The following DOCK7 variants were observed in gnomAD, a reference collection of about 807,000 sequenced individuals.
DOCK7 encodes the protein dedicator of cytokinesis protein 7.
In DOCK7, 138 loss-of-function variants were observed where a neutral mutation model predicts 271.0. That is an observed-to-expected ratio of 0.51 (90% CI 0.44 to 0.59). DOCK7 has a LOEUF of 0.59. Among genes scored for constraint, DOCK7 ranks in the 20% least tolerant of loss-of-function variants. The pLI is 0.00. For synonymous variants in DOCK7, 823 were observed against 876.1 expected, an observed-to-expected ratio of 0.94 and a Z score of 1.07; for missense variants, 2,066 against 2,592.4, an observed-to-expected ratio of 0.80 and a Z score of 4.41.
At chr1:62,529,190 A>G in intron 30 of DOCK7, 87 bp downstream of exon 30, 1 of 1,298,972 alleles carries the variant, frequency 7.7e-7, no homozygotes, top group Non-Finnish European at 1.0e-6. Context: ...TATTTTCCTA[A>G]AATAAGATCT....
intron 41 of DOCK7, 58 bp downstream of exon 41, chr1:62,492,644 CAT>C (rs1181474987): frequency 5.1e-5 from 82 of 1,592,308 alleles, no homozygotes; most frequent in African/African-American, 3.4e-4. Context: ...AATAAATACA[CAT>C]GTCATTGATA....
chr1:62,667,546 C>G (rs1659455878), intron 1 of DOCK7, among the ~76,000 whole-genome samples: 2 of 152,188 alleles, frequency 1.3e-5, no homozygotes, highest in African/African-American at 2.4e-5. Flanking sequence ...GAAACCCCAT[C>G]TCTACTAAAA....
chr1:62,464,142 G>A (rs575624274), intron 48 of DOCK7, among the ~76,000 whole-genome samples: 7 of 151,936 alleles, frequency 4.6e-5, no homozygotes, highest in East Asian at 3.9e-4. Context: ...TTGCTGCAAC[G>A]TTTGCCTCCT....
chr1:62,555,013 T>C (rs774019178), intron 21 of DOCK7, among the ~76,000 whole-genome samples: 14 of 152,218 alleles, frequency 9.2e-5, no homozygotes, highest in Admixed American at 2.0e-4. Context: ...GCACTTGCCA[T>C]TATCATTAAT....
intron 7 of DOCK7, among the ~76,000 whole-genome samples, chr1:62,641,919 T>C (rs1656077163): frequency 6.6e-6 from 1 of 152,216 alleles, no homozygotes. Flanking sequence ...ATATATATTT[T>C]TACTTTCAAT....
At chr1:62,514,907 G>A (rs1644613762) in intron 31 of DOCK7, among the ~76,000 whole-genome samples, 1 of 151,850 alleles carries the variant, frequency 6.6e-6, no homozygotes. Context: ...TCTAATACTC[G>A]GCTGACAAAT....
intron 22 of DOCK7, among the ~76,000 whole-genome samples, chr1:62,547,735 A>G (rs1415149792): frequency 2.0e-5 from 3 of 152,226 alleles, no homozygotes; most frequent in African/African-American, 7.2e-5. Context: ...CGATTACTAG[A>G]ATTAAGAAAG....
chr1:62,508,986 A>G (rs1325980903), intron 34 of DOCK7, among the ~76,000 whole-genome samples: 1 of 152,186 alleles, frequency 6.6e-6, no homozygotes, highest in Non-Finnish European at 1.5e-5. Flanking sequence ...CTAAGTTTTT[A>G]GATCTGTAAG....
At chr1:62,560,486 CT>C (rs1413743258) in intron 19 of DOCK7, among the ~76,000 whole-genome samples, 1 of 152,182 alleles carries the variant, frequency 6.6e-6, no homozygotes, top group African/African-American at 2.4e-5. Flanking sequence ...GGCACCATAA[CT>C]GCTTCCCCTT....
Position 62,621,177 on chromosome 1 carries a change from G to T in DOCK7, c.1426-1184C>A, listed in dbSNP as rs536628388. The stretch of plus-strand genomic sequence containing the variant: ...AGGAAGGATTTAGACGAGGGAGGGA[G>T]GGGGAGGAGGAATAGGAGGAGGAAG... On this transcript the variant is annotated intron_variant, in intron 12 of 49. Coordinates refer to ENST00000635253, the MANE Select transcript of DOCK7 (RefSeq NM_001367561.1). Among the ~76,000 whole-genome samples, 3 of 151,972 alleles carry T rather than the reference G, an allele frequency of 2.0e-5. No homozygotes were observed. In the East Asian group the frequency reaches 5.8e-4, roughly 29 times the overall value.
chr1:62,457,808 GAC>G lies in DOCK7; in HGVS notation c.6213-105_6213-104del, dbSNP rs1418145790. 9 of 1,081,368 alleles carry G rather than the reference GAC, an allele frequency of 8.3e-6. No homozygotes were observed. The African/African-American group carries it at 1.3e-4, about 15-fold the overall frequency. 67.0% of individuals were successfully genotyped at this position (1,081,368 alleles called of 1,614,324 possible). A position where few individuals can be genotyped will look rare whatever the true frequency, so the allele number is the denominator to read the frequency against. ...ATATACATATATATGTGGGCTTAAT[GAC>G]ACACAACACAGACTATATATGTGGG... On this transcript the variant is annotated intron_variant, in intron 48 of 49. Transcript: ENST00000635253.
rs554253288 is a variant in DOCK7, at chr1:62,501,050, G to A, written c.4764+3580C>T. Among the ~76,000 whole-genome samples, 48 of 152,078 alleles carry A rather than the reference G, an allele frequency of 3.2e-4. No homozygotes were observed. The South Asian group carries it at 9.1e-3, about 29-fold the overall frequency. On this transcript the variant is annotated intron_variant, in intron 37 of 49. Transcript: ENST00000635253. ...AAACGCTGTCTCTATTTTTAAAAGG[G>A]GGGGTGAGTGGGGTGGGCAGGGCGA...
chr1:62,619,635 G>A (rs370307210), intron 13 of DOCK7, among the ~76,000 whole-genome samples: 8 of 152,192 alleles, frequency 5.3e-5, no homozygotes, highest in East Asian at 1.9e-4. Flanking sequence ...TTCACATCGT[G>A]GTTGACTACA....
At chr1:62,605,203 G>C (rs1235135037) in intron 14 of DOCK7, 1 of 193,890 alleles carries the variant, frequency 5.2e-6, no homozygotes, top group Non-Finnish European at 1.1e-5. Context: ...TAGTACTCTT[G>C]TTAAAACTCT....
intron 48 of DOCK7, among the ~76,000 whole-genome samples, chr1:62,465,920 G>C: frequency 6.6e-6 from 1 of 152,168 alleles, no homozygotes; most frequent in East Asian, 1.9e-4. Flanking sequence ...TAAGAAAAGT[G>C]TATCTGTAGA....
At position 62,636,582 on chromosome 1, in the gene DOCK7, G is replaced by C; in HGVS notation, c.840C>G (p.Pro280=). 6.2e-7 allele frequency: 1 copy of C among 1,601,442 alleles called. No homozygotes were observed. Among genetic ancestry groups the C allele is most frequent in the Non-Finnish European group, 8.5e-7 (1 of 1,172,504 alleles). ...LSLKFEIEIE[P]IFASLALYDV... ...CATATAAAGCCAAACTTGCAAAAAT[G>C]GGTTCAATTTCAATTTCAAACCTTT... The change falls in exon 8 of 50, where the codon CCC becomes CCG. Residue 280 remains proline, a synonymous_variant. Coordinates refer to ENST00000635253, the MANE Select transcript of DOCK7 (RefSeq NM_001367561.1).
chr1:62,593,914 G>A (rs1648835078), intron 14 of DOCK7, among the ~76,000 whole-genome samples: 1 of 152,094 alleles, frequency 6.6e-6, no homozygotes, highest in Non-Finnish European at 1.5e-5. Flanking sequence ...AAAATACCTT[G>A]TATTTTATTT....
At position 62,552,763 on chromosome 1, in the gene DOCK7, T is replaced by A. The variant is rs780210369; in HGVS notation, c.2735A>T (p.Asp912Val). ...CCCGATGATTGATCGAACTTCATCA[T>A]CTGGTGACGTGGGAGTCCCAGATAT... Reference protein sequence around the residue: ...PDISGTPTSPDDEVRSIIGSK... With the variant: ...PDISGTPTSPVDEVRSIIGSK... The change falls in exon 22 of 50, where the codon GAT (aspartate) becomes GTT (valine). Residue 912 changes from aspartate (D) to valine (V), a missense_variant. Transcript: ENST00000635253. The A allele has an allele frequency of 6.2e-6, 10 of 1,613,062 alleles. No homozygotes were observed. Among genetic ancestry groups the A allele is most frequent in the Non-Finnish European group, 8.5e-6 (10 of 1,179,574 alleles).
At chr1:62,636,388 TTAAC>T in intron 8 of DOCK7, 145 bp downstream of exon 8, 3 of 598,880 alleles carry the variant, frequency 5.0e-6, no homozygotes, top group Non-Finnish European at 8.6e-6. Flanking sequence ...AAGAAAATAT[TTAAC>T]TAGTCCTAAT....
Sources: gnomAD v4.1 joint callset for allele counts (sites outside exome capture counted in the v4.1 genomes callset) on GRCh38, gnomAD v4.1.1 for gene constraint, MANE v1.5 for transcripts, NCBI Gene and HGNC (gene_info 2026-07-23, HGNC 2026-07-21) for gene names.